NRG3: variants seen among roughly 807,000 people sequenced by gnomAD.
The protein encoded by NRG3 is pro-neuregulin-3, membrane-bound isoform.
In NRG3, 31 loss-of-function variants were observed where a neutral mutation model predicts 66.9. The ratio of observed to expected loss-of-function variants is 0.46; its 90% CI spans 0.35 to 0.63. NRG3 has a LOEUF of 0.63. Among genes scored for constraint, NRG3 ranks in the 20% least tolerant of loss-of-function variants. NRG3 has a pLI of 0.00. For synonymous variants in NRG3, 393 were observed against 359.4 expected, an observed-to-expected ratio of 1.09 and a Z score of -1.06; for missense variants, 910 against 878.9, an observed-to-expected ratio of 1.04 and a Z score of -0.45.
At chr10:82,610,828 G>A (rs530122517) in intron 2 of NRG3, among the ~76,000 whole-genome samples, 2 of 152,232 alleles carry the variant, frequency 1.3e-5, no homozygotes, top group South Asian at 2.1e-4. Context: ...AGATTGAGAA[G>A]CTTTGCTTTA....
chr10:82,497,587 ATG>A (rs147359186), intron 2 of NRG3, among the ~76,000 whole-genome samples: 14 of 150,984 alleles, frequency 9.3e-5, no homozygotes, highest in African/African-American at 2.2e-4. Flanking sequence ...GTGTGTGTGT[ATG>A]TGTGTGTGTG....
chr10:82,044,022 C>T (rs764509911), intron 1 of NRG3, among the ~76,000 whole-genome samples: 1 of 151,754 alleles, frequency 6.6e-6, no homozygotes, highest in East Asian at 1.9e-4. Flanking sequence ...AATGAGTGAG[C>T]GACAGTGATT....
chr10:82,899,450 A>T (rs1031274928), intron 4 of NRG3, among the ~76,000 whole-genome samples: 1 of 152,228 alleles, frequency 6.6e-6, no homozygotes, highest in Non-Finnish European at 1.5e-5. Flanking sequence ...CTTAGGAAAT[A>T]TATCAGTACA....
At chr10:82,793,836 C>T (rs1208931024) in intron 3 of NRG3, among the ~76,000 whole-genome samples, 1 of 152,064 alleles carries the variant, frequency 6.6e-6, no homozygotes, top group Non-Finnish European at 1.5e-5. Flanking sequence ...TCCATAGACT[C>T]GAACAAGTCA....
In NRG3 at chr10:82,242,380, C is replaced by T. The variant is rs1438049251; in HGVS notation, c.824-116359C>T. Among the ~76,000 whole-genome samples the T allele has an allele frequency of 3.9e-5, 6 of 152,128 alleles. 1 individual carries two copies. The South Asian group carries it at 1.0e-3, about 26-fold the overall frequency. ...AGGAATATTTTCATTGAGTACCCAT[C>T]AAGTGCCAGAAAATATATTAGGGAC... is the stretch of plus-strand genomic sequence containing the variant. On this transcript the variant is annotated intron_variant, in intron 1 of 8. Coordinates refer to ENST00000372141, the MANE Select transcript of NRG3 (RefSeq NM_001010848.4).
intron 4 of NRG3, among the ~76,000 whole-genome samples, chr10:82,884,472 T>A (rs1842566814): frequency 6.6e-6 from 1 of 152,172 alleles, no homozygotes; most frequent in African/African-American, 2.4e-5. Context: ...CTGTTTTGCC[T>A]GATTAATGTT....
chr10:82,344,019 A>G (rs1030446022), intron 1 of NRG3, among the ~76,000 whole-genome samples: 1 of 152,172 alleles, frequency 6.6e-6, no homozygotes, highest in Non-Finnish European at 1.5e-5. Flanking sequence ...TCTTTAATAA[A>G]GAAACACATA....
intron 4 of NRG3, among the ~76,000 whole-genome samples, chr10:82,879,306 C>G (rs1054000754): frequency 6.6e-6 from 1 of 152,106 alleles, no homozygotes; most frequent in Non-Finnish European, 1.5e-5. Context: ...TTTCTTAACT[C>G]TTAAGTTGCT....
At chr10:82,372,751 G>T (rs976013464) in intron 2 of NRG3, among the ~76,000 whole-genome samples, 34 of 152,174 alleles carry the variant, frequency 2.2e-4, no homozygotes, top group African/African-American at 8.2e-4. Flanking sequence ...GCACCACCAT[G>T]CTCAGCTAAT....
chr10:81,999,676 T>A (rs896916605), intron 1 of NRG3, among the ~76,000 whole-genome samples: 1 of 152,190 alleles, frequency 6.6e-6, no homozygotes, highest in African/African-American at 2.4e-5. Flanking sequence ...TCAATTTCCT[T>A]TATGCCTTTA....
intron 1 of NRG3, among the ~76,000 whole-genome samples, chr10:82,312,763 T>G (rs1425257561): frequency 1.3e-5 from 2 of 151,698 alleles, no homozygotes; most frequent in Non-Finnish European, 2.9e-5. Flanking sequence ...AAATTACAAC[T>G]CCCTTAGAGC....
chr10:81,960,075 A>T (rs1348875433), intron 1 of NRG3, among the ~76,000 whole-genome samples: 2 of 151,996 alleles, frequency 1.3e-5, no homozygotes, highest in Non-Finnish European at 2.9e-5. Context: ...ACCCTCTGTT[A>T]ATTACTGTAA....
chr10:82,315,590 A>G (rs997754522), intron 1 of NRG3, among the ~76,000 whole-genome samples: 8 of 151,978 alleles, frequency 5.3e-5, no homozygotes, highest in Admixed American at 3.9e-4. Flanking sequence ...ACATGGGTGC[A>G]TTCTGCTAAA....
At chr10:82,254,692 C>T (rs940857699) in intron 1 of NRG3, among the ~76,000 whole-genome samples, 3 of 151,024 alleles carry the variant, frequency 2.0e-5, no homozygotes, top group Non-Finnish European at 3.0e-5. Flanking sequence ...AAACAAAAAA[C>T]TCACACTGAT....
intron 2 of NRG3, among the ~76,000 whole-genome samples, chr10:82,617,854 G>A (rs749680660): frequency 4.6e-5 from 7 of 152,122 alleles, no homozygotes; most frequent in African/African-American, 7.2e-5. Flanking sequence ...CGGCAAATGC[G>A]TCTAATGTGC....
chr10:82,347,971 GA>G (rs1307265739), intron 1 of NRG3, among the ~76,000 whole-genome samples: 12 of 151,900 alleles, frequency 7.9e-5, no homozygotes, highest in Admixed American at 7.2e-4. Flanking sequence ...CTCTGCATGT[GA>G]GATGGGTTTC....
chr10:82,022,239 A>T (rs2062096786), intron 1 of NRG3, among the ~76,000 whole-genome samples: 1 of 152,092 alleles, frequency 6.6e-6, no homozygotes, highest in Admixed American at 6.6e-5. Context: ...AAGCAGAATG[A>T]AACTATCACT....
chr10:82,491,316 A>ATATATATATATATATATATAT (rs1389375279), intron 2 of NRG3, among the ~76,000 whole-genome samples: 2 of 136,816 alleles, frequency 1.5e-5, no homozygotes, highest in African/African-American at 2.6e-5. Context: ...ATATATATAT[A>ATATATATATATATATATATAT]AAATAAAGAT....
At chr10:82,789,324 A>G (rs2060492556) in intron 3 of NRG3, among the ~76,000 whole-genome samples, 1 of 152,096 alleles carries the variant, frequency 6.6e-6, no homozygotes, top group Admixed American at 6.6e-5. Flanking sequence ...TAATGTGTCC[A>G]TTTTTAAATG....
Sources: allele counts gnomAD v4.1 joint callset (sites outside exome capture counted in the v4.1 genomes callset), GRCh38; gene constraint gnomAD v4.1.1; transcripts MANE v1.5; gene names NCBI Gene and HGNC (gene_info 2026-07-23, HGNC 2026-07-21).